Variants in LAD1 observed in about 807,000 individuals in gnomAD.
LAD1 encodes ladinin-1.
LAD1 carries 53 observed loss-of-function variants against 54.2 expected under a neutral mutation model. The ratio of observed to expected loss-of-function variants is 0.98; its 90% CI spans 0.78 to 1.23. The LOEUF (loss-of-function observed/expected upper bound fraction) is 1.23, where lower values mean the gene tolerates loss of function less well. LAD1 is among the 50% of genes most tolerant of loss of function. The pLI, the probability that LAD1 is intolerant of heterozygous loss-of-function variation, is 0.00. For synonymous variants in LAD1, 231 were observed against 257.7 expected, an observed-to-expected ratio of 0.90 and a Z score of 0.99; for missense variants, 637 against 653.3, an observed-to-expected ratio of 0.98 and a Z score of 0.27.
intron 4 of LAD1, 48 bp from the exon 5 acceptor site, chr1:201,384,883 C>T (rs375500159): frequency 8.6e-5 from 137 of 1,596,098 alleles, no homozygotes; most frequent in Non-Finnish European, 1.1e-4. Flanking sequence ...CCCGGGAAAT[C>T]GGTGGCCCCC....
At chr1:201,382,908 G>A in intron 7 of LAD1, 166 bp downstream of exon 7, 1 of 1,026,686 alleles carries the variant, frequency 9.7e-7, no homozygotes, top group Non-Finnish European at 1.4e-6. Flanking sequence ...TGTGTGCCCA[G>A]CTAAGGAGAT....
chr1:201,387,273 G>A, intron 2 of LAD1, 95 bp from the exon 3 acceptor site: 1 of 1,329,116 alleles, frequency 7.5e-7, no homozygotes, highest in Non-Finnish European at 9.7e-7. Context: ...GGCCACCAAG[G>A]AGGAGGTGAG....
chr1:201,382,617 C>G, intron 8 of LAD1, 36 bp downstream of exon 8: 1 of 1,515,814 alleles, frequency 6.6e-7, no homozygotes, highest in Non-Finnish European at 9.0e-7. Context: ...ACCACAAAGG[C>G]TCCACAGTAA....
intron 1 of LAD1, among the ~76,000 whole-genome samples, chr1:201,398,945 A>T (rs1182206561): frequency 6.6e-6 from 1 of 152,086 alleles, no homozygotes; most frequent in Admixed American, 6.5e-5. Context: ...GTTACTCCTG[A>T]ACACCTCCAC....
In LAD1 at chr1:201,381,791, A is replaced by T; in HGVS notation, c.*97T>A. ...ATCCACAGGCAAAAAGGGAACAGGG[A>T]CAATGAGAGGAAAGGGTGCTGCTGT... On this transcript the variant is annotated 3_prime_UTR_variant, in exon 10 of 10. Transcript: ENST00000391967. 2 of 1,326,716 alleles carry T rather than the reference A, an allele frequency of 1.5e-6. No homozygotes were observed. Among genetic ancestry groups the T allele is most frequent in the Non-Finnish European group, 2.2e-6 (2 of 917,942 alleles). 82.2% of individuals were successfully genotyped at this position (1,326,716 alleles called of 1,614,324 possible). A position where few individuals can be genotyped will look rare whatever the true frequency, so the allele number is the denominator to read the frequency against.
chr1:201,383,568 G>T, intron 5 of LAD1, 179 bp from the exon 6 acceptor site: 1 of 651,590 alleles, frequency 1.5e-6, no homozygotes, highest in Non-Finnish European at 2.8e-6. Flanking sequence ...CAGACGCCAG[G>T]GATTTCCCTC....
At chr1:201,394,912 C>T (rs572525491) in intron 1 of LAD1, among the ~76,000 whole-genome samples, 6 of 152,350 alleles carry the variant, frequency 3.9e-5, no homozygotes, top group Middle Eastern at 3.4e-3. Flanking sequence ...ACAGCTCCCA[C>T]ATGCCACCCT....
chr1:201,384,948 C>T (rs1662044471), intron 4 of LAD1, 113 bp from the exon 5 acceptor site: 2 of 947,458 alleles, frequency 2.1e-6, no homozygotes, highest in Non-Finnish European at 3.3e-6. Context: ...AGACCTCCCA[C>T]CCCTTCTACC....
intron 3 of LAD1, among the ~76,000 whole-genome samples, 156 bp from the exon 4 acceptor site, chr1:201,385,961 G>T (rs896404499): frequency 6.6e-6 from 1 of 152,180 alleles, no homozygotes; most frequent in African/African-American, 2.4e-5. Context: ...CTGTGGGAGT[G>T]GCTCACAGAC....
At chr1:201,383,034 C>T (rs1661993413) in intron 7 of LAD1, 40 bp downstream of exon 7, 1 of 1,583,848 alleles carries the variant, frequency 6.3e-7, no homozygotes, top group Non-Finnish European at 8.6e-7. Flanking sequence ...GACGTCAGGG[C>T]TAATCACCCT....
chr1:201,398,879 C>T (rs758216704), intron 1 of LAD1, among the ~76,000 whole-genome samples: 1 of 152,206 alleles, frequency 6.6e-6, no homozygotes, highest in Non-Finnish European at 1.5e-5. Context: ...GGGTCCTCTC[C>T]GCCAGAGACA....
At chr1:201,392,168 C>A (rs1381971422) in intron 1 of LAD1, among the ~76,000 whole-genome samples, 1 of 152,244 alleles carries the variant, frequency 6.6e-6, no homozygotes. Flanking sequence ...GTTTTCCCTC[C>A]TAAAATGAGA....
At chr1:201,383,410 C>T in intron 5 of LAD1, 21 bp from the exon 6 acceptor site, 1 of 1,613,348 alleles carries the variant, frequency 6.2e-7, no homozygotes, top group Non-Finnish European at 8.5e-7. Flanking sequence ...GAAGATGGAA[C>T]AGGCGAGCCA....
chr1:201,381,954 G>A, intron 9 of LAD1, 61 bp from the exon 10 acceptor site: 1 of 1,571,262 alleles, frequency 6.4e-7, no homozygotes, highest in Non-Finnish European at 8.7e-7. Flanking sequence ...AGGGGAAGGG[G>A]GCCACTGGAT....
chr1:201,393,521 G>A (rs1245509939), intron 1 of LAD1, among the ~76,000 whole-genome samples: 3 of 152,084 alleles, frequency 2.0e-5, no homozygotes, highest in Non-Finnish European at 2.9e-5. Flanking sequence ...TGAGGCAGGT[G>A]GATCACCTGA....
chr1:201,396,536 A>T (rs1662293167), intron 1 of LAD1, among the ~76,000 whole-genome samples: 1 of 152,142 alleles, frequency 6.6e-6, no homozygotes, highest in Non-Finnish European at 1.5e-5. Context: ...TCCCAAATTG[A>T]ATCATAGACA....
At chr1:201,390,646 A>G (rs771513873) in intron 1 of LAD1, among the ~76,000 whole-genome samples, 5 of 152,202 alleles carry the variant, frequency 3.3e-5, no homozygotes, top group Non-Finnish European at 7.3e-5. Flanking sequence ...CACTGTTGAC[A>G]CTTTGGCCAG....
At chr1:201,392,287 C>T (rs574515420) in intron 1 of LAD1, among the ~76,000 whole-genome samples, 10 of 152,356 alleles carry the variant, frequency 6.6e-5, no homozygotes, top group African/African-American at 2.4e-4. Flanking sequence ...GTACCAGGCA[C>T]GATTCCAGGG....
chr1:201,383,663 GGTCCTTCCTTTCC>G, intron 5 of LAD1: 1 of 480,152 alleles, frequency 2.1e-6, no homozygotes, highest in East Asian at 4.1e-5. Context: ...TCCCAAAGCA[GGTCCTTCCTTTCC>G]GTCTTCCCCA....
Sources: allele counts gnomAD v4.1 joint callset (sites outside exome capture counted in the v4.1 genomes callset), GRCh38; gene constraint gnomAD v4.1.1; transcripts MANE v1.5; gene names NCBI Gene and HGNC (gene_info 2026-07-23, HGNC 2026-07-21).